RICTOR: variants seen among roughly 807,000 people sequenced by gnomAD.
RICTOR encodes the protein rapamycin-insensitive companion of mTOR.
In RICTOR, 49 loss-of-function variants were observed where a neutral mutation model predicts 214.9. That is an observed-to-expected ratio of 0.23 (90% CI 0.18 to 0.29). RICTOR has a LOEUF of 0.29. Ranked by LOEUF, RICTOR falls within the 10% of genes least tolerant of loss-of-function variation. The pLI, the probability that RICTOR is intolerant of heterozygous loss-of-function variation, is 1.00. For synonymous variants in RICTOR, 717 were observed against 711.3 expected (o/e 1.01, Z -0.13); for missense variants, 1,625 against 2,047.0 (o/e 0.79, Z 3.98).
rs1458980150 is a variant in RICTOR, at chr5:38,937,970, T to G, written c.*4334A>C. Reference sequence around the variant, plus strand: ...TAACAATGTATCCCTTTGATAAGATTATGCTTCAGGAGGCTTTTAATGCCC... The same window carrying G: ...TAACAATGTATCCCTTTGATAAGATGATGCTTCAGGAGGCTTTTAATGCCC... On this transcript the variant is annotated 3_prime_UTR_variant, in exon 38 of 38. Coordinates refer to ENST00000357387, the MANE Select transcript of RICTOR (RefSeq NM_152756.5). This position sits in a 1 kb window ranked among gnomAD's most constrained non-coding sequence, Gnocchi z 4.0. 5.3e-6 allele frequency: 1 copy of G among 189,430 alleles called. No individual in the cohort carries two copies. The highest frequency in any genetic ancestry group is 2.3e-5 in the African/African-American group (1 of 42,846). 11.7% of individuals were successfully genotyped at this position (189,430 alleles called of 1,614,324 possible). A position where few individuals can be genotyped will look rare whatever the true frequency, so the allele number is the denominator to read the frequency against.
In RICTOR at chr5:39,045,839, AAT is replaced by A. The variant is rs561489163; in HGVS notation, c.98-24705_98-24704del. Among the ~76,000 whole-genome samples the A allele has an allele frequency of 3.7e-3, 566 of 152,136 alleles. 4 individuals are homozygous for A. Among genetic ancestry groups the A allele is most frequent in the African/African-American group, 0.013 (540 of 41,486 alleles). ...ACTAATAAGGGAGAGCAAAGGTATA[AAT>A]ATACCTTGGCTGTAGGACACTAGAT... is the stretch of plus-strand genomic sequence containing the variant. On this transcript the variant is annotated intron_variant, in intron 2 of 37. Coordinates refer to ENST00000357387, the MANE Select transcript of RICTOR (RefSeq NM_152756.5).
intron 7 of RICTOR, among the ~76,000 whole-genome samples, chr5:38,990,096 G>A (rs1752472886): frequency 6.6e-6 from 1 of 152,116 alleles, no homozygotes; most frequent in Non-Finnish European, 1.5e-5. Context: ...CACCTCAAAT[G>A]CCCATCAGTG....
chr5:38,985,354 ATTTT>A (rs60186441), intron 7 of RICTOR, among the ~76,000 whole-genome samples: 173 of 151,168 alleles, frequency 1.1e-3, no homozygotes, highest in African/African-American at 4.1e-3. Flanking sequence ...TGTATTTAAA[ATTTT>A]TTTTTTCTCT....
chr5:38,994,868 C>T (rs368961052), intron 6 of RICTOR, among the ~76,000 whole-genome samples: 7 of 152,108 alleles, frequency 4.6e-5, no homozygotes, highest in South Asian at 2.1e-4. Context: ...GTCTCTAAAG[C>T]GGTTATGCTC....
At chr5:38,966,381 C>T (rs1750220096) in intron 15 of RICTOR, among the ~76,000 whole-genome samples, 1 of 152,214 alleles carries the variant, frequency 6.6e-6, no homozygotes, top group Non-Finnish European at 1.5e-5. Flanking sequence ...GTGTAAAAAT[C>T]AACATTTCAG....
intron 2 of RICTOR, among the ~76,000 whole-genome samples, chr5:39,053,590 G>A (rs897302926): frequency 1.3e-5 from 2 of 152,140 alleles, no homozygotes; most frequent in Non-Finnish European, 2.9e-5. Context: ...TAAATCCGCA[G>A]AATTAGAAAG....
At chr5:38,976,098 T>G (rs1396307181) in intron 9 of RICTOR, among the ~76,000 whole-genome samples, 1 of 152,232 alleles carries the variant, frequency 6.6e-6, no homozygotes, top group African/African-American at 2.4e-5. Flanking sequence ...CCAGCTACTT[T>G]CTTCCTTGAC....
At chr5:38,987,565 T>C (rs542555016) in intron 7 of RICTOR, among the ~76,000 whole-genome samples, 154 of 152,346 alleles carry the variant, frequency 1.0e-3, no homozygotes, top group Non-Finnish European at 2.6e-4. Flanking sequence ...ATATCCCCTT[T>C]ATCATTTTTT....
At chr5:39,053,796 G>A (rs534752415) in intron 2 of RICTOR, among the ~76,000 whole-genome samples, 1 of 148,916 alleles carries the variant, frequency 6.7e-6, no homozygotes, top group East Asian at 2.0e-4. Flanking sequence ...GGAGGCTGAG[G>A]CAGGAGAATG....
chr5:39,020,537 G>T (rs183272881), intron 3 of RICTOR, among the ~76,000 whole-genome samples: 1 of 152,110 alleles, frequency 6.6e-6, no homozygotes, highest in Non-Finnish European at 1.5e-5. Context: ...TAAGGTACAC[G>T]CATTTTTTAA....
intron 10 of RICTOR, among the ~76,000 whole-genome samples, chr5:38,972,334 A>T (rs897412902): frequency 1.3e-5 from 2 of 152,232 alleles, no homozygotes; most frequent in African/African-American, 4.8e-5. Flanking sequence ...TCTACTTGGC[A>T]TTTATTAAAG....
chr5:39,020,333 A>G (rs545759848), intron 3 of RICTOR, among the ~76,000 whole-genome samples: 2 of 152,320 alleles, frequency 1.3e-5, no homozygotes, highest in South Asian at 4.1e-4. Context: ...CTTTCGTGAC[A>G]GGAAGAGTCA....
At chr5:39,010,995 G>A (rs1398904074) in intron 3 of RICTOR, among the ~76,000 whole-genome samples, 4 of 152,174 alleles carry the variant, frequency 2.6e-5, no homozygotes, top group Admixed American at 6.5e-5. Flanking sequence ...TAAGTAACAA[G>A]GATCTGAATG....
intron 2 of RICTOR, among the ~76,000 whole-genome samples, chr5:39,069,728 C>T (rs994889888): frequency 2.6e-5 from 4 of 152,208 alleles, no homozygotes; most frequent in Admixed American, 2.0e-4. Flanking sequence ...AGTCTTCTAT[C>T]ATCCGTCAGA....
In RICTOR at chr5:38,940,292, G is replaced by T. The variant is rs754149116; in HGVS notation, c.*2012C>A. ...AAAAAAATTACTGTTAACTTTTGAG[G>T]GATTAAACCACAGATTTTTATACTC... On this transcript the variant is annotated 3_prime_UTR_variant, in exon 38 of 38. Coordinates refer to ENST00000357387, the MANE Select transcript of RICTOR (RefSeq NM_152756.5). The T allele has an allele frequency of 2.2e-5, 5 of 231,132 alleles. No individual in the cohort carries two copies. Among genetic ancestry groups the T allele is most frequent in the Admixed American group, 1.7e-4 (3 of 17,658 alleles). 14.3% of individuals were successfully genotyped at this position (231,132 alleles called of 1,614,324 possible). A position where few individuals can be genotyped will look rare whatever the true frequency, so the allele number is the denominator to read the frequency against.
At chr5:38,992,770 A>C (rs1279395222) in intron 6 of RICTOR, among the ~76,000 whole-genome samples, 1 of 152,204 alleles carries the variant, frequency 6.6e-6, no homozygotes, top group African/African-American at 2.4e-5. Flanking sequence ...CTCATAAATC[A>C]ATGAATGCTC....
chr5:38,984,465 T>C lies in RICTOR; in HGVS notation c.584-2429A>G, dbSNP rs576595036. Among the ~76,000 whole-genome samples the C allele has an allele frequency of 7.9e-5, 12 of 152,326 alleles. No individual in the cohort carries two copies. The East Asian group carries it at 1.4e-3, about 17-fold the overall frequency. ...CACTCACTTATTTTTTGCTTAATTA[T>C]AATGAGCTTTCTAATGAAAAATTAT... On this transcript the variant is annotated intron_variant, in intron 7 of 37. Coordinates refer to ENST00000357387, the MANE Select transcript of RICTOR (RefSeq NM_152756.5).
chr5:39,035,607 C>G lies in RICTOR; in HGVS notation c.98-14471G>C, dbSNP rs569439750. Among the ~76,000 whole-genome samples, 8 of 152,130 alleles carry G rather than the reference C, an allele frequency of 5.3e-5. No individual in the cohort carries two copies. The East Asian group carries it at 7.7e-4, about 15-fold the overall frequency. ...TAGACGAATGGCTAACTAGAATAAC[C>G]AAAGCAGAGAAGTCCTTAAAGGACC... On this transcript the variant is annotated intron_variant, in intron 2 of 37. Transcript: ENST00000357387.
In RICTOR at chr5:39,003,630, A is replaced by G. The variant is rs1488206733; in HGVS notation, c.196-8T>C. On this transcript the variant is annotated splice_region_variant and splice_polypyrimidine_tract_variant and intron_variant, in intron 3 of 37. Coordinates refer to ENST00000357387, the MANE Select transcript of RICTOR (RefSeq NM_152756.5). ...GCCAATATCACAAAGAAGCTGTCAGAAAAACAAAATAAGTGTGCATTTATG... is the reference window on the plus strand; with the variant it reads ...GCCAATATCACAAAGAAGCTGTCAGGAAAACAAAATAAGTGTGCATTTATG... 4 of 1,592,514 alleles carry G rather than the reference A, an allele frequency of 2.5e-6. No individual in the cohort carries two copies. In the African/African-American group the frequency reaches 4.0e-5, roughly 16 times the overall value.
Sources: allele counts gnomAD v4.1 joint callset (sites outside exome capture counted in the v4.1 genomes callset), GRCh38; gene constraint gnomAD v4.1.1; non-coding constraint Gnocchi (gnomAD v3.1); transcripts MANE v1.5; gene names NCBI Gene and HGNC (gene_info 2026-07-23, HGNC 2026-07-21).